ZRANB3: variants seen among roughly 807,000 people sequenced by gnomAD.
ZRANB3 encodes zinc finger RANBP2-type containing 3.
Under a neutral mutation model 133.8 loss-of-function variants are expected in ZRANB3, and 125 were observed. The observed-to-expected ratio is 0.93, with a 90% CI of 0.81 to 1.08. The LOEUF (loss-of-function observed/expected upper bound fraction) is 1.08, where lower values mean the gene tolerates loss of function less well. Among genes scored for constraint, ZRANB3 ranks in the 50% least tolerant of loss-of-function variants. The probability of loss-of-function intolerance (pLI) is 0.00; values close to 1 mark genes in which losing one functional copy is unlikely to be tolerated. For missense variants in ZRANB3, 1,229 were observed against 1,275.5 expected, an observed-to-expected ratio of 0.96 and a Z score of 0.56; for synonymous variants, 387 against 432.7, an observed-to-expected ratio of 0.89 and a Z score of 1.31.
rs539247687 is a variant in ZRANB3 at position 135,202,509 on chromosome 2, C to T, written c.3141+323G>A. ...CAGGATATCCTTAGTTATATGCAAACATGTATCACTGCCCCAATTCACCAA... is the reference window on the plus strand; with the variant it reads ...CAGGATATCCTTAGTTATATGCAAATATGTATCACTGCCCCAATTCACCAA... On this transcript the variant is annotated intron_variant, in intron 20 of 20. Transcript: ENST00000264159. The T allele has an allele frequency of 2.7e-5, 5 of 186,238 alleles. No individual in the cohort carries two copies. In the East Asian group the frequency reaches 6.7e-4, roughly 25 times the overall value. The allele number at this position is 186,238 out of a possible 1,614,324, so 11.5% of individuals were successfully genotyped here.
chr2:135,454,160 G>A (rs1574128678), intron 2 of ZRANB3, among the ~76,000 whole-genome samples: 1 of 152,148 alleles, frequency 6.6e-6, no homozygotes, highest in African/African-American at 2.4e-5. Flanking sequence ...TGGCCCCCAC[G>A]ATTCAGTTAC....
intron 8 of ZRANB3, among the ~76,000 whole-genome samples, chr2:135,311,488 T>C (rs1219507231): frequency 6.6e-6 from 1 of 151,850 alleles, no homozygotes; most frequent in African/African-American, 2.4e-5. Context: ...AATATATGAC[T>C]ACACAAAGGC....
chr2:135,324,625 T>C (rs1683713335), intron 6 of ZRANB3, among the ~76,000 whole-genome samples: 1 of 152,212 alleles, frequency 6.6e-6, no homozygotes, highest in Non-Finnish European at 1.5e-5. Flanking sequence ...TCAAATGGTA[T>C]TTCTAGTTCT....
chr2:135,370,857 G>C (rs1686145898), intron 3 of ZRANB3, among the ~76,000 whole-genome samples: 3 of 152,108 alleles, frequency 2.0e-5, no homozygotes, highest in Non-Finnish European at 4.4e-5. Flanking sequence ...TCATGGTGGG[G>C]GTTTCCCTCA....
At chr2:135,424,522 C>T (rs1316901781) in intron 2 of ZRANB3, among the ~76,000 whole-genome samples, 3 of 152,188 alleles carry the variant, frequency 2.0e-5, no homozygotes, top group Non-Finnish European at 2.9e-5. Flanking sequence ...CACTTGAGGT[C>T]AGGCATTCAA....
chr2:135,310,856 G>A (rs1032200383), intron 8 of ZRANB3, among the ~76,000 whole-genome samples: 1 of 151,614 alleles, frequency 6.6e-6, no homozygotes, highest in Non-Finnish European at 1.5e-5. Context: ...ATTTGATTAA[G>A]TAGCACATGA....
At chr2:135,216,489 G>C in intron 17 of ZRANB3, among the ~76,000 whole-genome samples, 1 of 152,172 alleles carries the variant, frequency 6.6e-6, no homozygotes, top group East Asian at 1.9e-4. Flanking sequence ...GCCCAGGCTG[G>C]AGCACAGTGG....
intron 2 of ZRANB3, among the ~76,000 whole-genome samples, chr2:135,466,424 A>G (rs999054524): frequency 1.3e-5 from 2 of 150,880 alleles, no homozygotes; most frequent in Non-Finnish European, 3.0e-5. Context: ...AAGAAGAAGA[A>G]TAGATGAATA....
At chr2:135,352,396 T>C (rs1405157285) in intron 4 of ZRANB3, among the ~76,000 whole-genome samples, 1 of 152,002 alleles carries the variant, frequency 6.6e-6, no homozygotes. Flanking sequence ...ATGATGGTTA[T>C]GGAGGCCTTA....
chr2:135,226,916 CT>C (rs1694780734), intron 14 of ZRANB3, among the ~76,000 whole-genome samples: 1 of 152,182 alleles, frequency 6.6e-6, no homozygotes, highest in Admixed American at 6.5e-5. Context: ...CCAAGACATG[CT>C]TTGGGAAGAC....
chr2:135,355,127 T>A (rs6732991), intron 3 of ZRANB3: 50,079 of 644,426 alleles, frequency 0.078, 2,796 homozygotes, highest in South Asian at 0.31. Context: ...CAAGTTTCCA[T>A]TGAGAAAACT....
intron 2 of ZRANB3, among the ~76,000 whole-genome samples, chr2:135,501,687 G>C (rs1692954371): frequency 6.6e-6 from 1 of 152,060 alleles, no homozygotes. Context: ...TACTTCCTTT[G>C]ATTTTTGATG....
chr2:135,451,827 C>T (rs1018712286), intron 2 of ZRANB3, among the ~76,000 whole-genome samples: 9 of 152,026 alleles, frequency 5.9e-5, no homozygotes, highest in Non-Finnish European at 1.3e-4. Context: ...AGATATGTGA[C>T]GCACAAAAAA....
At chr2:135,530,512 CCAGCCAGT>C (rs1318020923) in intron 1 of ZRANB3, 1 of 152,288 alleles carries the variant, frequency 6.6e-6, no homozygotes, top group African/African-American at 2.4e-5. Context: ...CACGCCACTT[CCAGCCAGT>C]CACACCTGGC....
chr2:135,434,993 T>A (rs972837244), intron 2 of ZRANB3, among the ~76,000 whole-genome samples: 5 of 152,120 alleles, frequency 3.3e-5, no homozygotes, highest in African/African-American at 4.8e-5. Context: ...ACTTTTTTTT[T>A]AAATTTGTAC....
At chr2:135,414,781 G>C (rs1289259668) in intron 2 of ZRANB3, among the ~76,000 whole-genome samples, 5 of 152,102 alleles carry the variant, frequency 3.3e-5, no homozygotes, top group Non-Finnish European at 7.3e-5. Context: ...AATCAAACTA[G>C]AACTCAGGAT....
chr2:135,218,391 T>C (rs1446444555), intron 16 of ZRANB3, among the ~76,000 whole-genome samples: 1 of 152,170 alleles, frequency 6.6e-6, no homozygotes, highest in African/African-American at 2.4e-5. Context: ...TATACACAAC[T>C]GGCTATTTTC....
rs548174459 is a variant in ZRANB3, at chr2:135,261,364, C to CA, written c.1539+4169dup. Among the ~76,000 whole-genome samples the CA allele has an allele frequency of 7.9e-4, 121 of 152,218 alleles. 1 individual carries two copies. The highest frequency in any genetic ancestry group is 2.6e-3 in the African/African-American group (107 of 41,538). Reference sequence around the variant, plus strand: ...CTGCATGAAGCTGGGAGGGTATAGACAGAGTGGTGAGAGGGCACACCCACC... The same window carrying CA: ...CTGCATGAAGCTGGGAGGGTATAGACAAGAGTGGTGAGAGGGCACACCCACC... On this transcript the variant is annotated intron_variant, in intron 12 of 20. Coordinates refer to ENST00000264159, the MANE Select transcript of ZRANB3 (RefSeq NM_032143.4).
At chr2:135,264,268 C>T (rs1365980088) in intron 12 of ZRANB3, among the ~76,000 whole-genome samples, 8 of 151,246 alleles carry the variant, frequency 5.3e-5, no homozygotes, top group African/African-American at 1.7e-4. Context: ...GTCAGGAGTT[C>T]GAGACCAGCC....
Sources: allele counts gnomAD v4.1 joint callset (sites outside exome capture counted in the v4.1 genomes callset), GRCh38; gene constraint gnomAD v4.1.1; transcripts MANE v1.5; gene names NCBI Gene and HGNC (gene_info 2026-07-23, HGNC 2026-07-21).